The following LRMDA variants were observed in gnomAD, a reference collection of about 807,000 sequenced individuals.
LRMDA encodes the protein leucine rich melanocyte differentiation associated, also known as leucine-rich melanocyte differentiation-associated protein.
LRMDA carries 18 observed loss-of-function variants against 29.8 expected under a neutral mutation model. That is an observed-to-expected ratio of 0.60 (90% CI 0.42 to 0.90). The LOEUF (loss-of-function observed/expected upper bound fraction) is 0.90. LRMDA is among the 40% of genes least tolerant of loss of function. LRMDA has a pLI of 0.00. For missense variants in LRMDA, 273 were observed against 273.9 expected (o/e 1.00, Z 0.02); for synonymous variants, 125 against 109.4 (o/e 1.14, Z -0.89).
intron 5 of LRMDA, among the ~76,000 whole-genome samples, chr10:76,090,369 G>A (rs1849211058): frequency 6.6e-6 from 1 of 152,184 alleles, no homozygotes; most frequent in African/African-American, 2.4e-5. Context: ...GGTTGCTTAT[G>A]GGCAGCAGTG....
chr10:75,803,937 C>T (rs1843800732), intron 2 of LRMDA, among the ~76,000 whole-genome samples: 2 of 152,230 alleles, frequency 1.3e-5, no homozygotes, highest in Non-Finnish European at 2.9e-5. Context: ...GACCCATTCG[C>T]TGCTCCTGTC....
chr10:75,910,656 T>C (rs1845827870), intron 2 of LRMDA, among the ~76,000 whole-genome samples: 1 of 152,296 alleles, frequency 6.6e-6, no homozygotes, highest in East Asian at 1.9e-4. Flanking sequence ...AGTGATTTGC[T>C]CAAGATGTCA....
intron 2 of LRMDA, among the ~76,000 whole-genome samples, chr10:76,024,862 A>T (rs1364455837): frequency 6.6e-6 from 1 of 152,242 alleles, no homozygotes; most frequent in Non-Finnish European, 1.5e-5. Context: ...CAAACAGTTC[A>T]TGAGGTTGAA....
At chr10:75,527,187 T>C (rs934322784) in intron 2 of LRMDA, among the ~76,000 whole-genome samples, 3 of 152,240 alleles carry the variant, frequency 2.0e-5, no homozygotes, top group African/African-American at 7.2e-5. Flanking sequence ...GGTCCACCCA[T>C]GTTGTAGCAT....
chr10:76,019,636 G>T (rs1309584575), intron 2 of LRMDA, among the ~76,000 whole-genome samples: 1 of 152,136 alleles, frequency 6.6e-6, no homozygotes, highest in Non-Finnish European at 1.5e-5. Flanking sequence ...TGTTCCTGAG[G>T]CATTTTAAGG....
intron 2 of LRMDA, among the ~76,000 whole-genome samples, chr10:75,919,317 C>T (rs1233341487): frequency 6.6e-6 from 1 of 152,138 alleles, no homozygotes; most frequent in Non-Finnish European, 1.5e-5. Flanking sequence ...AGTGAAGGCT[C>T]AAGATTCATT....
chr10:76,291,718 T>G (rs1329559035), intron 5 of LRMDA, among the ~76,000 whole-genome samples: 1 of 152,176 alleles, frequency 6.6e-6, no homozygotes, highest in Non-Finnish European at 1.5e-5. Flanking sequence ...ATGCTGCTAT[T>G]ATGCCCATCC....
intron 5 of LRMDA, among the ~76,000 whole-genome samples, chr10:76,118,892 G>A (rs899454131): frequency 8.7e-6 from 1 of 114,786 alleles, no homozygotes; most frequent in African/African-American, 3.1e-5. Context: ...TTTGTAGTTC[G>A]GAACTTGAGG....
chr10:75,921,335 T>A (rs1030909370), intron 2 of LRMDA, among the ~76,000 whole-genome samples: 2 of 152,220 alleles, frequency 1.3e-5, no homozygotes, highest in African/African-American at 4.8e-5. Flanking sequence ...CAGACATATA[T>A]GTGTAGAAAG....
At chr10:75,719,597 A>G (rs1842541710) in intron 2 of LRMDA, among the ~76,000 whole-genome samples, 1 of 152,150 alleles carries the variant, frequency 6.6e-6, no homozygotes, top group African/African-American at 2.4e-5. Flanking sequence ...GTCATGTGTT[A>G]TTCTCCCTGG....
intron 5 of LRMDA, among the ~76,000 whole-genome samples, chr10:76,305,101 T>C (rs935433370): frequency 2.6e-5 from 4 of 152,204 alleles, no homozygotes; most frequent in Non-Finnish European, 2.9e-5. Context: ...TGTGTCTCAC[T>C]ACCATGCCTT....
At chr10:75,533,980 G>A (rs1431600288) in intron 2 of LRMDA, among the ~76,000 whole-genome samples, 3 of 152,206 alleles carry the variant, frequency 2.0e-5, no homozygotes, top group Non-Finnish European at 2.9e-5. Flanking sequence ...TTGCCTAGGT[G>A]TTAGGGTAGC....
At chr10:76,417,103 A>G (rs1409775183) in intron 6 of LRMDA, among the ~76,000 whole-genome samples, 1 of 152,178 alleles carries the variant, frequency 6.6e-6, no homozygotes, top group African/African-American at 2.4e-5. Flanking sequence ...TAGGTGGGAA[A>G]TTACAGATTG....
intron 5 of LRMDA, among the ~76,000 whole-genome samples, chr10:76,065,953 C>A (rs1848778012): frequency 6.6e-6 from 1 of 152,222 alleles, no homozygotes; most frequent in African/African-American, 2.4e-5. Flanking sequence ...ACACCATGAC[C>A]AGACCTGAAC....
intron 2 of LRMDA, among the ~76,000 whole-genome samples, chr10:75,976,609 AG>A (rs1283213489): frequency 6.6e-6 from 1 of 152,234 alleles, no homozygotes; most frequent in Non-Finnish European, 1.5e-5. Flanking sequence ...ATAACTAATA[AG>A]CAGTTAATAT....
intron 2 of LRMDA, among the ~76,000 whole-genome samples, chr10:75,937,965 C>T (rs1186009572): frequency 2.0e-5 from 3 of 152,186 alleles, no homozygotes; most frequent in East Asian, 3.8e-4. Context: ...AGTTAGCTCT[C>T]TTTTCATTTG....
At chr10:76,413,012 T>G (rs1841978947) in intron 6 of LRMDA, among the ~76,000 whole-genome samples, 1 of 152,144 alleles carries the variant, frequency 6.6e-6, no homozygotes, top group South Asian at 2.1e-4. Flanking sequence ...TTCTTTGCCT[T>G]ACTGACTCTT....
chr10:75,441,119 T>G (rs751175795), intron 2 of LRMDA, among the ~76,000 whole-genome samples: 26 of 152,144 alleles, frequency 1.7e-4, no homozygotes, highest in Non-Finnish European at 3.4e-4. Flanking sequence ...GATTCTAAAC[T>G]TACCTTCCAA....
chr10:76,029,684 G>A (rs1479056683), intron 2 of LRMDA, among the ~76,000 whole-genome samples: 1 of 152,110 alleles, frequency 6.6e-6, no homozygotes, highest in African/African-American at 2.4e-5. Flanking sequence ...CATCATATTT[G>A]AAAGTTTTCT....
Sources: gnomAD v4.1 joint callset for allele counts (sites outside exome capture counted in the v4.1 genomes callset) on GRCh38, gnomAD v4.1.1 for gene constraint, MANE v1.5 for transcripts, NCBI Gene and HGNC (gene_info 2026-07-23, HGNC 2026-07-21) for gene names.